Variants in RELN observed in about 807,000 individuals in gnomAD.
RELN encodes the protein reelin.
RELN carries 108 observed loss-of-function variants against 427.6 expected under a neutral mutation model. The observed-to-expected ratio is 0.25, with a 90% CI of 0.22 to 0.30. The LOEUF (loss-of-function observed/expected upper bound fraction) is 0.30. Among genes scored for constraint, RELN ranks in the 10% least tolerant of loss-of-function variants. RELN has a pLI of 1.00. For synonymous variants in RELN, 1,524 were observed against 1,513.4 expected (o/e 1.01, Z -0.16); for missense variants, 3,715 against 4,302.8 (o/e 0.86, Z 3.82).
rs538451662 is a variant in RELN, at chr7:103,594,236, C to CACT, written c.3711+82_3711+84dup. ...CTTATATTATACATTCAGTGTCAAG[C>CACT]ACTAAATCCTTAAGGAAATGAGTTC... On this transcript the variant is annotated intron_variant, in intron 26 of 64. Coordinates refer to ENST00000428762, the MANE Select transcript of RELN (RefSeq NM_005045.4). The CACT allele has an allele frequency of 1.4e-3, 1,807 of 1,317,504 alleles. 5 individuals are homozygous for CACT. Among genetic ancestry groups the CACT allele is most frequent in the Middle Eastern group, 6.0e-3 (32 of 5,346 alleles). The allele number at this position is 1,317,504 out of a possible 1,614,324, so 81.6% of individuals were successfully genotyped here.
chr7:103,861,034 A>C (rs73712264), intron 2 of RELN, among the ~76,000 whole-genome samples: 5,377 of 152,274 alleles, frequency 0.035, 307 homozygotes, highest in African/African-American at 0.12. Context: ...GACAGAAGAT[A>C]ATTGCCAATT....
rs750882329 is a variant in RELN, at chr7:103,496,710, G to A, written c.9009C>T (p.His3003=). The change falls in exon 56 of 65, where the codon CAC becomes CAT. Residue 3003 remains histidine (H), a synonymous_variant. Transcript: ENST00000428762. ...CATCTTCAGGAAGAAGTATGTAGTC[G>A]TGTCTAACAGAAATGTATTTCTGGT... is the stretch of plus-strand genomic sequence containing the variant. The part of the protein sequence containing the change: ...MDYQKYISVR[H]DYILLPEDAL... The A allele has an allele frequency of 1.4e-5, 23 of 1,613,944 alleles. No homozygotes were observed. The highest frequency in any genetic ancestry group is 5.0e-5 in the Admixed American group (3 of 59,976).
intron 1 of RELN, among the ~76,000 whole-genome samples, chr7:103,931,865 C>G (rs761304202): frequency 6.6e-6 from 1 of 152,096 alleles, no homozygotes; most frequent in South Asian, 2.1e-4. Flanking sequence ...GAGGGAACAC[C>G]AGAACAGATG....
In RELN at chr7:103,958,253, A is replaced by T. The variant is rs1329908034; in HGVS notation, c.226+30878T>A. Among the ~76,000 whole-genome samples, 4 of 152,238 alleles carry T rather than the reference A, an allele frequency of 2.6e-5. 1 individual carries two copies. The highest frequency in any genetic ancestry group is 2.0e-4 in the Admixed American group (3 of 15,290). ...GTGCATTCATTCTTCTGTCACAAAA[A>T]AGACCCAGTGACAGCCATCGTTCTG... On this transcript the variant is annotated intron_variant, in intron 1 of 64. Transcript: ENST00000428762.
At chr7:103,970,958 C>A (rs934457353) in intron 1 of RELN, among the ~76,000 whole-genome samples, 6 of 151,992 alleles carry the variant, frequency 3.9e-5, no homozygotes, top group Admixed American at 2.6e-4. Context: ...GAGTTTGAGA[C>A]CAGCCTGGCC....
chr7:103,711,042 C>G (rs1448066982), intron 8 of RELN, among the ~76,000 whole-genome samples: 1 of 150,488 alleles, frequency 6.6e-6, no homozygotes, highest in East Asian at 1.9e-4. Context: ...GACTCCGTCT[C>G]AAAAAAAAAT....
rs936843972 is a variant in RELN at position 103,733,876 on chromosome 7, C to T, written c.657-5669G>A. Among the ~76,000 whole-genome samples the T allele has an allele frequency of 5.9e-5, 9 of 151,862 alleles. No homozygotes were observed. In the East Asian group the frequency reaches 1.8e-3, roughly 30 times the overall value. Reference sequence around the variant, plus strand: ...TAGTGGGTGCAGCGCACCAGCATGGCACATGTATACGTATGTAACTAACCT... The same window carrying T: ...TAGTGGGTGCAGCGCACCAGCATGGTACATGTATACGTATGTAACTAACCT... On this transcript the variant is annotated intron_variant, in intron 6 of 64. Transcript: ENST00000428762.
chr7:103,908,169 G>T (rs1177181766), intron 2 of RELN, among the ~76,000 whole-genome samples: 1 of 152,044 alleles, frequency 6.6e-6, no homozygotes, highest in Non-Finnish European at 1.5e-5. Flanking sequence ...CAGGCTCTAG[G>T]GGAGGTCCAT....
chr7:103,540,240 G>A lies in RELN; in HGVS notation c.6887C>T (p.Pro2296Leu), dbSNP rs764561610. 28 of 1,614,056 alleles carry A rather than the reference G, an allele frequency of 1.7e-5. No individual in the cohort carries two copies. In the Admixed American group the frequency reaches 2.2e-4, roughly 12 times the overall value. Residue 2296 changes from proline (P) to leucine (L), a missense_variant, in exon 44 of 65, where the codon CCG becomes CTG. Physicochemically the swap from Pro to Leu is moderately conservative, Grantham distance 98. This residue lies in a region of RELN where 1,310 missense variants were observed against 1,643.0 expected (regional missense o/e 0.80). Transcript: ENST00000428762. ...SGSTRLRWWQ[P>L]SENGHFYSPW... ...GCTGTAGAAGTGCCCATTCTCAGAC[G>A]GTTGCCACCAGCGAAGGCGAGTAGA...
chr7:103,661,612 A>T, intron 11 of RELN, 85 bp from the exon 12 acceptor site: 2 of 1,155,616 alleles, frequency 1.7e-6, no homozygotes, highest in Non-Finnish European at 2.5e-6. Flanking sequence ...TTAGTGAGGG[A>T]CACTTACTTA....
intron 1 of RELN, among the ~76,000 whole-genome samples, chr7:103,943,567 G>A (rs1796158454): frequency 6.6e-6 from 1 of 151,986 alleles, no homozygotes; most frequent in African/African-American, 2.4e-5. Flanking sequence ...TAGAAGTAAT[G>A]AGGCCAGGCA....
chr7:103,837,927 G>T (rs144549589), intron 2 of RELN, among the ~76,000 whole-genome samples: 1,985 of 152,240 alleles, frequency 0.013, 36 homozygotes, highest in African/African-American at 0.046. Flanking sequence ...GAAAAGAAGG[G>T]CCAGGCGTGG....
intron 19 of RELN, among the ~76,000 whole-genome samples, chr7:103,631,291 T>TTTTTTC (rs1368395685): frequency 7.5e-5 from 5 of 67,044 alleles, no homozygotes; most frequent in African/African-American, 4.3e-4. Context: ...CACTTCTTTT[T>TTTTTTC]TTTTTTTTTT....
At chr7:103,947,583 T>C (rs762060161) in intron 1 of RELN, among the ~76,000 whole-genome samples, 45 of 152,204 alleles carry the variant, frequency 3.0e-4, no homozygotes, top group Admixed American at 6.5e-4. Flanking sequence ...GAAATCTGCC[T>C]GGGGATTTCA....
chr7:103,919,921 A>G (rs1795575475), intron 1 of RELN, among the ~76,000 whole-genome samples: 1 of 152,238 alleles, frequency 6.6e-6, no homozygotes, highest in Admixed American at 6.5e-5. Context: ...AAATATGTAT[A>G]TGAACTAGAA....
chr7:103,557,319 G>A (rs1023849230), intron 37 of RELN, among the ~76,000 whole-genome samples, 160 bp from the exon 38 acceptor site: 2 of 152,154 alleles, frequency 1.3e-5, no homozygotes, highest in Admixed American at 6.6e-5. Context: ...GGGATGACAG[G>A]TTGGGCTTTC....
At chr7:103,838,482 G>A (rs1793469128) in intron 2 of RELN, among the ~76,000 whole-genome samples, 1 of 152,064 alleles carries the variant, frequency 6.6e-6, no homozygotes, top group African/African-American at 2.4e-5. Context: ...TGAATACTGA[G>A]ACAAAAATCA....
At chr7:103,731,814 T>G (rs774105855) in intron 6 of RELN, among the ~76,000 whole-genome samples, 1 of 152,154 alleles carries the variant, frequency 6.6e-6, no homozygotes, top group Non-Finnish European at 1.5e-5. Flanking sequence ...CCACTTCTAA[T>G]GGTTGCATTA....
intron 9 of RELN, 39 bp downstream of exon 9, chr7:103,700,871 A>G: frequency 8.0e-7 from 1 of 1,250,688 alleles, no homozygotes; most frequent in Non-Finnish European, 1.2e-6. Flanking sequence ...AACTCCATCT[A>G]TGTCAGAATT....
Sources: gnomAD v4.1 joint callset for allele counts (sites outside exome capture counted in the v4.1 genomes callset) on GRCh38, gnomAD v4.1.1 for gene constraint, gnomAD v4.1.1 regional missense constraint, MANE v1.5 for transcripts, NCBI Gene and HGNC (gene_info 2026-07-23, HGNC 2026-07-21) for gene names.